The following STAP1 variants were observed in gnomAD, a reference collection of about 807,000 sequenced individuals.
The protein encoded by STAP1 is signal transducing adaptor family member 1, also known as signal-transducing adaptor protein 1.
STAP1 carries 30 observed loss-of-function variants against 37.8 expected under a neutral mutation model. The ratio of observed to expected loss-of-function variants is 0.79; its 90% CI spans 0.59 to 1.08. The LOEUF (loss-of-function observed/expected upper bound fraction) is 1.08, where lower values mean the gene tolerates loss of function less well. Ranked by LOEUF, STAP1 falls within the 50% of genes least tolerant of loss-of-function variation. The pLI is 0.00. For synonymous variants in STAP1, 130 were observed against 116.0 expected, an observed-to-expected ratio of 1.12 and a Z score of -0.78; for missense variants, 357 against 349.4, an observed-to-expected ratio of 1.02 and a Z score of -0.17.
intron 4 of STAP1, among the ~76,000 whole-genome samples, chr4:67,579,193 T>A (rs866547351): frequency 6.6e-6 from 1 of 152,186 alleles, no homozygotes; most frequent in African/African-American, 2.4e-5. Flanking sequence ...CCTCAAATTG[T>A]GTATTCTGTA....
At chr4:67,579,502 A>C (rs1237297586) in intron 4 of STAP1, among the ~76,000 whole-genome samples, 1 of 152,178 alleles carries the variant, frequency 6.6e-6, no homozygotes, top group Non-Finnish European at 1.5e-5. Flanking sequence ...TGTAAAGAAA[A>C]GAGGTTTAAT....
chr4:67,558,863 G>C lies in STAP1; in HGVS notation c.54G>C (p.Arg18Ser). ...CCCCTCGCAGGATCTTCCAGGAAAGGTTAAAGATTACTGCTCTACCTTTGT... is the reference window on the plus strand; with the variant it reads ...CCCCTCGCAGGATCTTCCAGGAAAGCTTAAAGATTACTGCTCTACCTTTGT... ...KPAPRRIFQE[R>S]LKITALPLYF... Residue 18 changes from arginine (R) to serine (S), a missense_variant, in exon 1 of 9, where the codon AGG becomes AGC. Coordinates refer to ENST00000265404, the MANE Select transcript of STAP1 (RefSeq NM_012108.4). The C allele has an allele frequency of 6.2e-7, 1 of 1,613,918 alleles. No individual in the cohort carries two copies. Among genetic ancestry groups the C allele is most frequent in the Non-Finnish European group, 8.5e-7 (1 of 1,179,870 alleles).
chr4:67,606,435 A>C lies in STAP1; in HGVS notation c.*78A>C. ...GAAGTTCTTACTTTTAAAGAGAATT[A>C]CCTATATTCTCCTGATACTGATTAC... On this transcript the variant is annotated 3_prime_UTR_variant, in exon 9 of 9. Coordinates refer to ENST00000265404, the MANE Select transcript of STAP1 (RefSeq NM_012108.4). The C allele has an allele frequency of 3.2e-6, 4 of 1,239,194 alleles. No individual in the cohort carries two copies. Among genetic ancestry groups the C allele is most frequent in the Non-Finnish European group, 1.1e-6 (1 of 879,708 alleles). The allele number at this position is 1,239,194 out of a possible 1,614,324, so 76.8% of individuals were successfully genotyped here.
At chr4:67,569,398 G>C (rs929135344) in intron 1 of STAP1, among the ~76,000 whole-genome samples, 1 of 152,126 alleles carries the variant, frequency 6.6e-6, no homozygotes, top group South Asian at 2.1e-4. Flanking sequence ...GTACACTCAG[G>C]CTACACTAAG....
chr4:67,605,825 T>A (rs62303085), intron 8 of STAP1, among the ~76,000 whole-genome samples: 2,069 of 152,238 alleles, frequency 0.014, 22 homozygotes, highest in Non-Finnish European at 0.02. Context: ...ACATCAAACT[T>A]GGGAAATGGG....
chr4:67,586,302 C>A (rs1727978156), intron 6 of STAP1, among the ~76,000 whole-genome samples: 1 of 152,030 alleles, frequency 6.6e-6, no homozygotes, highest in African/African-American at 2.4e-5. Context: ...ACTAAAAATA[C>A]AGAAATTAGC....
chr4:67,589,492 G>A (rs1728075432), intron 6 of STAP1, among the ~76,000 whole-genome samples: 1 of 152,098 alleles, frequency 6.6e-6, no homozygotes, highest in Admixed American at 6.5e-5. Context: ...GAAAACGGAA[G>A]GAGAAGCGAT....
At chr4:67,573,693 A>G (rs758236394) in intron 2 of STAP1, among the ~76,000 whole-genome samples, 2 of 152,186 alleles carry the variant, frequency 1.3e-5, no homozygotes, top group African/African-American at 2.4e-5. Context: ...GGTTAAATTG[A>G]AAATAACTAG....
At chr4:67,601,701 G>T (rs1728345815) in intron 8 of STAP1, among the ~76,000 whole-genome samples, 1 of 152,182 alleles carries the variant, frequency 6.6e-6, no homozygotes, top group African/African-American at 2.4e-5. Context: ...TTTCCACTGA[G>T]AAGTCTGCTG....
At chr4:67,568,424 G>C (rs779370745) in intron 1 of STAP1, among the ~76,000 whole-genome samples, 98 of 152,110 alleles carry the variant, frequency 6.4e-4, no homozygotes, top group Non-Finnish European at 2.4e-4. Flanking sequence ...ACACACTTTT[G>C]GGAAAAGCTG....
intron 8 of STAP1, among the ~76,000 whole-genome samples, chr4:67,603,702 T>C (rs762162597): frequency 2.0e-5 from 3 of 152,122 alleles, no homozygotes; most frequent in Non-Finnish European, 4.4e-5. Flanking sequence ...GGAGGCCTCA[T>C]GACTCTGCCT....
At chr4:67,566,079 GC>G (rs1727462675) in intron 1 of STAP1, among the ~76,000 whole-genome samples, 1 of 150,600 alleles carries the variant, frequency 6.6e-6, no homozygotes, top group Non-Finnish European at 1.5e-5. Context: ...CTCCCAAGTA[GC>G]TGGGATTACA....
intron 6 of STAP1, 131 bp downstream of exon 6, chr4:67,583,833 T>G: frequency 8.4e-6 from 9 of 1,071,786 alleles, no homozygotes; most frequent in Non-Finnish European, 1.2e-5. Flanking sequence ...GTGCGGTGGC[T>G]CACGCCTGTA....
chr4:67,593,670 C>T (rs572003118), intron 8 of STAP1, among the ~76,000 whole-genome samples: 25 of 152,186 alleles, frequency 1.6e-4, no homozygotes, highest in African/African-American at 5.8e-4. Flanking sequence ...CATAATCATA[C>T]AAGTTAATGG....
chr4:67,582,280 A>T (rs1320277838), intron 5 of STAP1, among the ~76,000 whole-genome samples: 2 of 151,502 alleles, frequency 1.3e-5, no homozygotes, highest in Non-Finnish European at 2.9e-5. Flanking sequence ...CCGCTCAGAG[A>T]TATTTGCTAT....
rs115062885 is a variant in STAP1, at chr4:67,561,773, A to G, written c.120+2844A>G. Among the ~76,000 whole-genome samples, 484 of 152,276 alleles carry G rather than the reference A, an allele frequency of 3.2e-3. 3 individuals are homozygous for G. Among genetic ancestry groups the G allele is most frequent in the African/African-American group, 0.011 (467 of 41,566 alleles). On this transcript the variant is annotated intron_variant, in intron 1 of 8. Coordinates refer to ENST00000265404, the MANE Select transcript of STAP1 (RefSeq NM_012108.4). ...TCATTTTTTCTGGGACCGTTTGAAA[A>G]TAAGAGAGAGTGTGGGTGGGCCGGG...
intron 6 of STAP1, among the ~76,000 whole-genome samples, chr4:67,590,333 A>G (rs1161750620): frequency 6.6e-6 from 1 of 152,188 alleles, no homozygotes; most frequent in Non-Finnish European, 1.5e-5. Flanking sequence ...ATAGTGCCTA[A>G]GACCCAGTAT....
At chr4:67,584,928 G>A (rs913230851) in intron 6 of STAP1, among the ~76,000 whole-genome samples, 2 of 152,186 alleles carry the variant, frequency 1.3e-5, no homozygotes, top group African/African-American at 2.4e-5. Context: ...CTTTGTCAAG[G>A]TTACTAATTT....
intron 2 of STAP1, among the ~76,000 whole-genome samples, chr4:67,572,479 T>C (rs1560458137): frequency 6.6e-6 from 1 of 152,112 alleles, no homozygotes; most frequent in East Asian, 1.9e-4. Flanking sequence ...ACTCTTCTGA[T>C]CTCCTGCCAC....
Sources: gnomAD v4.1 joint callset for allele counts (sites outside exome capture counted in the v4.1 genomes callset) on GRCh38, gnomAD v4.1.1 for gene constraint, MANE v1.5 for transcripts, NCBI Gene and HGNC (gene_info 2026-07-23, HGNC 2026-07-21) for gene names.